GNL3: variants seen among roughly 807,000 people sequenced by gnomAD.
GNL3 encodes guanine nucleotide-binding protein-like 3.
GNL3 carries 77 observed loss-of-function variants against 70.6 expected under a neutral mutation model. The observed-to-expected ratio is 1.09, with a 90% CI of 0.91 to 1.32. The LOEUF (loss-of-function observed/expected upper bound fraction) is 1.32. Among genes scored for constraint, GNL3 ranks in the 40% most tolerant of loss-of-function variants. The pLI is 0.00. For synonymous variants in GNL3, 252 were observed against 216.1 expected (o/e 1.17, Z -1.46); for missense variants, 634 against 644.0 (o/e 0.98, Z 0.17).
chr3:52,694,148 A>C, intron 14 of GNL3, 45 bp downstream of exon 14: 1 of 1,592,512 alleles, frequency 6.3e-7, no homozygotes, highest in Non-Finnish European at 8.6e-7. Context: ...ATGGTATAGA[A>C]TCACTTTTAC....
chr3:52,694,221 G>A lies in GNL3; in HGVS notation c.1596G>A (p.Leu532=). ...AACAGTCTACAAGGTCTTTTATCTT[G>A]GATAAAATCATTGAAGAGGATGATG... is the stretch of plus-strand genomic sequence containing the variant. ...AGEQSTRSFI[L]DKIIEEDDAY... Residue 532 remains leucine, a synonymous_variant, in exon 15 of 15, where the codon TTG becomes TTA. Transcript: ENST00000418458. 3 of 1,595,266 alleles carry A rather than the reference G, an allele frequency of 1.9e-6. No individual in the cohort carries two copies. Among genetic ancestry groups the A allele is most frequent in the South Asian group, 2.2e-5 (2 of 90,656 alleles).
At position 52,692,938 on chromosome 3, in the gene GNL3, T is replaced by C; in HGVS notation, c.936T>C (p.Ser312=). The C allele has an allele frequency of 2.3e-5, 37 of 1,613,322 alleles. No homozygotes were observed. The highest frequency in any genetic ancestry group is 3.1e-5 in the Non-Finnish European group (37 of 1,179,250). ...TAGATAGTCCGAGCTTCATCGTATC[T>C]CCACTTAATTCCTCCTCTGCGCTTG... ...TIIDSPSFIV[S]PLNSSSALAL... Residue 312 remains serine (S), a synonymous_variant, in exon 10 of 15, where the codon TCT becomes TCC. Coordinates refer to ENST00000418458, the MANE Select transcript of GNL3 (RefSeq NM_014366.5).
chr3:52,690,892 G>C, intron 7 of GNL3, 53 bp from the exon 8 acceptor site: 1 of 1,595,036 alleles, frequency 6.3e-7, no homozygotes. Flanking sequence ...CTTGGGGTTT[G>C]TTGAAATTTA....
At chr3:52,691,329 T>C in intron 8 of GNL3, 1 of 605,378 alleles carries the variant, frequency 1.7e-6, no homozygotes, top group East Asian at 2.8e-5. Context: ...CTAAAAGTTC[T>C]TGGTTTGTTT....
intron 2 of GNL3, 83 bp from the exon 3 acceptor site, chr3:52,687,163 G>A: frequency 8.6e-7 from 1 of 1,165,224 alleles, no homozygotes; most frequent in Non-Finnish European, 1.2e-6. Flanking sequence ...TAACTAAATT[G>A]CAGCCAGATT....
intron 4 of GNL3, 48 bp downstream of exon 4, chr3:52,687,663 G>A: frequency 8.0e-7 from 1 of 1,256,712 alleles, no homozygotes; most frequent in Non-Finnish European, 1.1e-6. Flanking sequence ...TTTTGATTTT[G>A]GTTTTTTTGC....
intron 9 of GNL3, among the ~76,000 whole-genome samples, chr3:52,691,834 C>G (rs1342996647): frequency 6.6e-6 from 1 of 151,886 alleles, no homozygotes; most frequent in Non-Finnish European, 1.5e-5. Flanking sequence ...TCCAGAGTAG[C>G]TGGGATTACA....
Position 52,691,058 on chromosome 3 carries a change from G to A in GNL3, c.768G>A (p.Arg256=), listed in dbSNP as rs377170561. 3.1e-6 allele frequency: 5 copies of A among 1,613,862 alleles called. No individual in the cohort carries two copies. In the African/African-American group the frequency reaches 5.3e-5, roughly 17 times the overall value. ...AGGAAACTTGCAGCAAAGCCATTCG[G>A]GTTGGAGTAATTGGTGAGTTTCAGT... ...GFQETCSKAI[R]VGVIGFPNVG... is the part of the protein sequence containing the mutation. Residue 256 remains arginine (R), a synonymous_variant, in exon 8 of 15, where the codon CGG becomes CGA. Transcript: ENST00000418458.
Position 52,693,472 on chromosome 3 carries a change from A to G in GNL3, c.1252A>G (p.Ser418Gly). The change falls in exon 12 of 15, where the codon AGT (serine) becomes GGT (glycine). Residue 418 changes from serine (S) to glycine (G), a missense_variant. Coordinates refer to ENST00000418458, the MANE Select transcript of GNL3 (RefSeq NM_014366.5). Reference protein sequence around the residue: ...SWTPPPYFNESIVVDMKSGFN... With the variant: ...SWTPPPYFNEGIVVDMKSGFN... ...GACTCCTCCTCCATATTTTAATGAG[A>G]GTATTGTGGTAGACATGAAAAGCGG... 1 of 1,613,968 alleles carries G rather than the reference A, an allele frequency of 6.2e-7. No individual in the cohort carries two copies. Among genetic ancestry groups the G allele is most frequent in the Non-Finnish European group, 8.5e-7 (1 of 1,179,842 alleles).
chr3:52,692,890 C>G lies in GNL3; in HGVS notation c.888C>G (p.Pro296=). The G allele has an allele frequency of 6.2e-7, 1 of 1,612,748 alleles. No individual in the cohort carries two copies. The highest frequency in any genetic ancestry group is 1.3e-5 in the African/African-American group (1 of 75,030). The change falls in exon 10 of 15, where the codon CCC becomes CCG. Residue 296 remains proline, a synonymous_variant. Transcript: ENST00000418458. Reference sequence around the variant, plus strand: ...CTTTCAGGAGCATGCAAGTTGTCCCCTTGGACAAACAGATCACAATCATAG... The same window carrying G: ...CTTTCAGGAGCATGCAAGTTGTCCCGTTGGACAAACAGATCACAATCATAG... ...MGLTRSMQVV[P]LDKQITIIDS...
At chr3:52,692,111 A>G (rs1236720866) in intron 9 of GNL3, among the ~76,000 whole-genome samples, 3 of 152,228 alleles carry the variant, frequency 2.0e-5, no homozygotes, top group Non-Finnish European at 2.9e-5. Context: ...TTCAGCAGAT[A>G]GATTGAGAGA....
At chr3:52,688,370 A>G (rs2154099466) in intron 5 of GNL3, among the ~76,000 whole-genome samples, 178 bp downstream of exon 5, 1 of 152,272 alleles carries the variant, frequency 6.6e-6, no homozygotes, top group South Asian at 2.1e-4. Flanking sequence ...GCCTAGTACG[A>G]CATTAGTTAT....
intron 6 of GNL3, 108 bp downstream of exon 6, chr3:52,689,314 C>A: frequency 9.4e-7 from 1 of 1,064,500 alleles, no homozygotes; most frequent in Non-Finnish European, 1.5e-6. Context: ...CTCAGCAAAG[C>A]CAGAGTACGT....
chr3:52,689,208 T>C lies in GNL3; in HGVS notation c.541+2T>C. 1 of 1,612,726 alleles carries C rather than the reference T, an allele frequency of 6.2e-7. No individual in the cohort carries two copies. The highest frequency in any genetic ancestry group is 8.5e-7 in the Non-Finnish European group (1 of 1,178,868). On this transcript the variant is annotated splice_donor_variant, in intron 6 of 14. Transcript: ENST00000418458. LOFTEE classifies it high-confidence loss of function. ...TGGTACTTATATTAAATAAATCAGG[T>C]GAGTAAAGAGGGTACCCTTTGTCTT...
chr3:52,688,913 C>T, intron 5 of GNL3, 161 bp from the exon 6 acceptor site: 1 of 649,320 alleles, frequency 1.5e-6, no homozygotes, highest in Non-Finnish European at 2.7e-6. Context: ...GGTCAACATT[C>T]TTCATACCAA....
At chr3:52,693,909 A>C in intron 13 of GNL3, 102 bp downstream of exon 13, 11 of 1,310,570 alleles carry the variant, frequency 8.4e-6, no homozygotes, top group Non-Finnish European at 1.2e-5. Flanking sequence ...CTTGTGATCC[A>C]TTAGCCTTAA....
rs2097323987 is a variant in GNL3, at chr3:52,688,105, C to T, written c.325-4C>T. ...TTTGTGTTATTTCCCCCTTTATCCTCTAGGAGTTTGGGCTTTGCAAAACTG... is the reference window on the plus strand; with the variant it reads ...TTTGTGTTATTTCCCCCTTTATCCTTTAGGAGTTTGGGCTTTGCAAAACTG... On this transcript the variant is annotated splice_polypyrimidine_tract_variant and splice_region_variant and intron_variant, in intron 4 of 14. Transcript: ENST00000418458. The T allele has an allele frequency of 1.3e-6, 2 of 1,568,986 alleles. No homozygotes were observed. The highest frequency in any genetic ancestry group is 1.8e-6 in the Non-Finnish European group (2 of 1,138,806).
intron 2 of GNL3, 191 bp downstream of exon 2, chr3:52,687,018 T>C: frequency 1.6e-6 from 1 of 630,036 alleles, no homozygotes; most frequent in Non-Finnish European, 2.8e-6. Context: ...GTGATAAGTC[T>C]CTAAATTTGT....
chr3:52,690,814 G>C (rs2154099609), intron 7 of GNL3, 110 bp downstream of exon 7: 2 of 1,176,762 alleles, frequency 1.7e-6, no homozygotes, highest in Non-Finnish European at 2.5e-6. Flanking sequence ...ATCCAACTCT[G>C]ATTTCAGCCA....
Sources: gnomAD v4.1 joint callset for allele counts (sites outside exome capture counted in the v4.1 genomes callset) on GRCh38, gnomAD v4.1.1 for gene constraint, MANE v1.5 for transcripts, NCBI Gene and HGNC (gene_info 2026-07-23, HGNC 2026-07-21) for gene names.